The following ATP6V0A4 variants were observed in gnomAD, a reference collection of about 807,000 sequenced individuals.
The protein encoded by ATP6V0A4 is ATPase H+ transporting V0 subunit a4.
In ATP6V0A4, 86 loss-of-function variants were observed where a neutral mutation model predicts 107.3. That is an observed-to-expected ratio of 0.80 (90% confidence interval 0.67 to 0.96). The LOEUF (loss-of-function observed/expected upper bound fraction) is 0.96. Among genes scored for constraint, ATP6V0A4 ranks in the 40% least tolerant of loss-of-function variants. The pLI is 0.00. For missense variants in ATP6V0A4, 908 were observed against 1,045.6 expected (o/e 0.87, Z 1.81); for synonymous variants, 353 against 381.4 (o/e 0.93, Z 0.87).
chr7:138,774,098 C>T (rs1166344297), intron 2 of ATP6V0A4: 2 of 152,264 alleles, frequency 1.3e-5, no homozygotes, highest in Non-Finnish European at 2.9e-5. Flanking sequence ...GCCTGCTCAG[C>T]CCCCGCCCCA....
intron 1 of ATP6V0A4, among the ~76,000 whole-genome samples, chr7:138,796,821 G>A (rs1808689558): frequency 6.6e-6 from 1 of 152,154 alleles, no homozygotes; most frequent in African/African-American, 2.4e-5. Context: ...GAAGAGGCGT[G>A]TCTCAGTCAT....
chr7:138,754,203 C>T (rs1806388754), intron 10 of ATP6V0A4, among the ~76,000 whole-genome samples: 1 of 152,066 alleles, frequency 6.6e-6, no homozygotes, highest in Non-Finnish European at 1.5e-5. Context: ...AATCCCAGCA[C>T]TTTGGGAGGA....
At chr7:138,747,968 C>T (rs1048060762) in intron 12 of ATP6V0A4, among the ~76,000 whole-genome samples, 1 of 151,936 alleles carries the variant, frequency 6.6e-6, no homozygotes, top group Non-Finnish European at 1.5e-5. Flanking sequence ...ATTGCCCGGG[C>T]TGGTCTCGAA....
intron 2 of ATP6V0A4, among the ~76,000 whole-genome samples, chr7:138,784,236 G>GTATATATATATATATATACATA (rs869254063): frequency 5.9e-5 from 1 of 16,818 alleles, no homozygotes. Context: ...ATATATATAC[G>GTATATATATATATATATACATA]TATATATATA....
intron 2 of ATP6V0A4, among the ~76,000 whole-genome samples, chr7:138,772,784 G>A (rs1438917088): frequency 6.6e-6 from 1 of 152,090 alleles, no homozygotes; most frequent in Non-Finnish European, 1.5e-5. Flanking sequence ...CAAACTCTGG[G>A]GTGGGGCAGT....
intron 18 of ATP6V0A4, among the ~76,000 whole-genome samples, chr7:138,725,732 C>T (rs1210355014): frequency 6.6e-6 from 1 of 151,990 alleles, no homozygotes; most frequent in South Asian, 2.1e-4. Context: ...AGGCTGGTCT[C>T]GAACTCCTGA....
At chr7:138,713,628 C>T (rs1803865807) in intron 20 of ATP6V0A4, among the ~76,000 whole-genome samples, 1 of 151,968 alleles carries the variant, frequency 6.6e-6, no homozygotes. Flanking sequence ...AAGAGCATGC[C>T]CCAGAACCAC....
At position 138,755,670 on chromosome 7, in the gene ATP6V0A4, G is replaced by C; in HGVS notation, c.816+19C>G. On this transcript the variant is annotated intron_variant, in intron 10 of 21. Transcript: ENST00000310018. The stretch of plus-strand genomic sequence containing the variant: ...TCCTGCAGCTGCCATCAGACCATGC[G>C]CCCAAACCCCTCACTCACGGTGATT... 6.2e-7 allele frequency: 1 copy of C among 1,613,082 alleles called. No homozygotes were observed. Among genetic ancestry groups the C allele is most frequent in the Non-Finnish European group, 8.5e-7 (1 of 1,179,962 alleles).
chr7:138,709,579 CT>C (rs1254697215), intron 21 of ATP6V0A4, 44 bp downstream of exon 21: 2 of 1,596,478 alleles, frequency 1.3e-6, no homozygotes, highest in Non-Finnish European at 1.7e-6. Context: ...AGCCCACTCC[CT>C]TTCCCAACAC....
At chr7:138,768,606 C>T (rs575673656) in intron 5 of ATP6V0A4, among the ~76,000 whole-genome samples, 174 bp downstream of exon 5, 7 of 152,240 alleles carry the variant, frequency 4.6e-5, no homozygotes, top group South Asian at 4.1e-4. Flanking sequence ...CTCTAAAAAC[C>T]GCACACTGGG....
chr7:138,744,682 C>T (rs961789076), intron 14 of ATP6V0A4, among the ~76,000 whole-genome samples: 2 of 150,242 alleles, frequency 1.3e-5, no homozygotes, highest in African/African-American at 4.9e-5. Flanking sequence ...AAAGGCGTGC[C>T]AACACACTTG....
chr7:138,757,458 G>A (rs1012409270), intron 8 of ATP6V0A4, among the ~76,000 whole-genome samples: 3 of 152,140 alleles, frequency 2.0e-5, no homozygotes, highest in Non-Finnish European at 4.4e-5. Flanking sequence ...CGAGGCTGCA[G>A]TGAGTCATGA....
rs558963894 is a variant in ATP6V0A4 at position 138,751,836 on chromosome 7, T to C, written c.1029+789A>G. ...AACCTCCATGAGGTAACAGGTGGTA[T>C]CTACAGTCTAGCAGAGTGGAGCTGG... is the stretch of plus-strand genomic sequence containing the variant. On this transcript the variant is annotated intron_variant, in intron 11 of 21. Transcript: ENST00000310018. 5.7e-4 allele frequency among the ~76,000 whole-genome samples: 87 copies of C among 152,176 alleles called. 1 individual carries two copies. Among genetic ancestry groups the C allele is most frequent in the Non-Finnish European group, 9.4e-4 (64 of 68,006 alleles).
At chr7:138,728,972 G>A (rs1804852531) in intron 17 of ATP6V0A4, 110 bp from the exon 18 acceptor site, 1 of 1,584,612 alleles carries the variant, frequency 6.3e-7, no homozygotes, top group South Asian at 1.1e-5. Flanking sequence ...TATTTTGAGA[G>A]ATCTAAAGCA....
At chr7:138,777,405 A>G (rs1342940796) in intron 2 of ATP6V0A4, among the ~76,000 whole-genome samples, 1 of 152,058 alleles carries the variant, frequency 6.6e-6, no homozygotes, top group Non-Finnish European at 1.5e-5. Context: ...ACCTGAGGTC[A>G]GGAGTTCAAG....
At chr7:138,734,302 G>A (rs199690679) in intron 15 of ATP6V0A4, 48 bp from the exon 16 acceptor site, 1,034 of 1,609,064 alleles carry the variant, frequency 6.4e-4, no homozygotes, top group Non-Finnish European at 7.9e-4. Context: ...AGTCTTAGAA[G>A]TTCTACTGGA....
chr7:138,753,554 A>G (rs1436262288), intron 10 of ATP6V0A4, among the ~76,000 whole-genome samples: 1 of 152,210 alleles, frequency 6.6e-6, no homozygotes, highest in East Asian at 1.9e-4. Flanking sequence ...ATAAATGACA[A>G]GTGAATGAAT....
chr7:138,766,453 G>A (rs754226502), intron 5 of ATP6V0A4, among the ~76,000 whole-genome samples: 4 of 151,864 alleles, frequency 2.6e-5, no homozygotes, highest in Non-Finnish European at 5.9e-5. Flanking sequence ...CAATACACCC[G>A]CCTTGGCTTC....
At position 138,756,505 on chromosome 7, in the gene ATP6V0A4, A is replaced by T; in HGVS notation, c.675T>A (p.Phe225Leu). The T allele has an allele frequency of 6.2e-7, 1 of 1,612,762 alleles. No individual in the cohort carries two copies. The highest frequency in any genetic ancestry group is 8.5e-7 in the Non-Finnish European group (1 of 1,179,522). The part of the protein sequence containing the change: ...EEIQKNIFII[F>L]YQGEQLRQKI... ...TCTGCCTGAGCTGCTCTCCTTGGTAAAATATGATGAATATGTTCTTCTGAA... is the reference window on the plus strand; with the variant it reads ...TCTGCCTGAGCTGCTCTCCTTGGTATAATATGATGAATATGTTCTTCTGAA... Residue 225 changes from phenylalanine (F) to leucine (L), a missense_variant, in exon 9 of 22, where the codon TTT (phenylalanine) becomes TTA (leucine). Transcript: ENST00000310018.
Sources: allele counts gnomAD v4.1 joint callset (sites outside exome capture counted in the v4.1 genomes callset), GRCh38; gene constraint gnomAD v4.1.1; transcripts MANE v1.5; gene names NCBI Gene and HGNC (gene_info 2026-07-23, HGNC 2026-07-21).